CCDC32: variants seen among roughly 807,000 people sequenced by gnomAD.
The protein encoded by CCDC32 is coiled-coil domain-containing protein 32.
A neutral mutation model predicts 20.1 loss-of-function variants in CCDC32; 9 were observed. That is an observed-to-expected ratio of 0.45 (90% CI 0.27 to 0.78). The LOEUF (loss-of-function observed/expected upper bound fraction) is 0.78. Among genes scored for constraint, CCDC32 ranks in the 30% least tolerant of loss-of-function variants. The pLI, the probability that CCDC32 is intolerant of heterozygous loss-of-function variation, is 0.16. For missense variants in CCDC32, 204 were observed against 215.5 expected (o/e 0.95, Z 0.33); for synonymous variants, 63 against 79.0 (o/e 0.80, Z 1.07).
intron 2 of CCDC32, among the ~76,000 whole-genome samples, chr15:40,559,287 A>G (rs1477614071): frequency 6.6e-6 from 1 of 152,066 alleles, no homozygotes; most frequent in African/African-American, 2.4e-5. Flanking sequence ...CAGTCTCACT[A>G]TGTTGCCCAG....
intron 3 of CCDC32, among the ~76,000 whole-genome samples, chr15:40,547,366 C>T (rs554224603): frequency 4.4e-4 from 67 of 152,118 alleles, no homozygotes; most frequent in African/African-American, 1.3e-3. Context: ...TACCCTGGCC[C>T]GGCTTCAGTC....
downstream of CCDC32, among the ~76,000 whole-genome samples, chr15:40,532,771 G>T (rs1386099987): frequency 2.1e-5 from 3 of 140,848 alleles, no homozygotes; most frequent in Non-Finnish European, 4.5e-5. Flanking sequence ...ACCCAGGCTG[G>T]AATGCAGTGG....
chr15:40,545,926 TTCTC>T (rs1190708228), intron 3 of CCDC32, among the ~76,000 whole-genome samples: 1 of 152,126 alleles, frequency 6.6e-6, no homozygotes, highest in Non-Finnish European at 1.5e-5. Flanking sequence ...TTCTGCCTCA[TTCTC>T]TCTCTCTTCA....
At chr15:40,551,121 G>A (rs1433974658), downstream of CCDC32, among the ~76,000 whole-genome samples, 4 of 152,068 alleles carry the variant, frequency 2.6e-5, no homozygotes, top group East Asian at 1.9e-4. Flanking sequence ...GGTGGCTGAC[G>A]CCTGTAATCC....
downstream of CCDC32, chr15:40,534,658 T>C: frequency 2.1e-6 from 1 of 478,386 alleles, no homozygotes; most frequent in South Asian, 2.5e-5. Context: ...AGCCAAACCA[T>C]ATCACCAACT....
chr15:40,532,135 C>G (rs1252442330), downstream of CCDC32: 5 of 536,586 alleles, frequency 9.3e-6, no homozygotes, highest in East Asian at 1.5e-4. Flanking sequence ...TCACTTTTTT[C>G]TTCTCTAGTT....
At chr15:40,535,444 T>C, downstream of CCDC32, 1 of 992,980 alleles carries the variant, frequency 1.0e-6, no homozygotes, top group Non-Finnish European at 1.2e-6. Context: ...TTCTCTCATT[T>C]GATCTAGGGT....
downstream of CCDC32, among the ~76,000 whole-genome samples, chr15:40,533,042 G>T (rs571066915): frequency 4.6e-5 from 7 of 152,032 alleles, no homozygotes; most frequent in Non-Finnish European, 7.4e-5. Context: ...CTATTCTCCT[G>T]TTGGTGGACA....
At chr15:40,563,968 T>C (rs147327004) in intron 1 of CCDC32, among the ~76,000 whole-genome samples, 22,115 of 151,948 alleles carry the variant, frequency 0.15, 2,382 homozygotes, top group East Asian at 0.51. Context: ...CTACAGGCAC[T>C]CGCCACCACG....
chr15:40,539,221 G>GCCCGC, downstream of CCDC32: 1 of 1,531,950 alleles, frequency 6.5e-7, no homozygotes, highest in Non-Finnish European at 8.7e-7. Context: ...TCCCTGCCTG[G>GCCCGC]CCCGCCCTGG....
intron 2 of CCDC32, among the ~76,000 whole-genome samples, chr15:40,558,898 G>A (rs1347966331): frequency 6.6e-6 from 1 of 151,786 alleles, no homozygotes; most frequent in Non-Finnish European, 1.5e-5. Context: ...CCGCCTCCTG[G>A]GTTCAAGCGA....
chr15:40,534,888 G>C (rs1445802122), downstream of CCDC32: 2 of 702,498 alleles, frequency 2.8e-6, no homozygotes, highest in Non-Finnish European at 5.2e-6. Context: ...TCAAAGTGAG[G>C]AAGTGATGGG....
chr15:40,529,611 C>G (rs1888815513), intron 3 of CCDC32: 1 of 150,492 alleles, frequency 6.6e-6, no homozygotes, highest in South Asian at 2.1e-4. Flanking sequence ...TTGGAACATA[C>G]AGAGATTAGC....
chr15:40,534,091 CT>C (rs1453284045), downstream of CCDC32, among the ~76,000 whole-genome samples: 7 of 152,234 alleles, frequency 4.6e-5, no homozygotes, highest in African/African-American at 1.7e-4. Flanking sequence ...GGTAATCCCA[CT>C]CCTGGGAATT....
chr15:40,524,628 A>G (rs1400673526), downstream of CCDC32, among the ~76,000 whole-genome samples: 3 of 152,014 alleles, frequency 2.0e-5, no homozygotes, highest in African/African-American at 7.3e-5. Context: ...ATTGGCTGCA[A>G]AGAGGCATGA....
At chr15:40,560,557 A>G (rs1469825074) in intron 2 of CCDC32, among the ~76,000 whole-genome samples, 1 of 152,240 alleles carries the variant, frequency 6.6e-6, no homozygotes, top group Non-Finnish European at 1.5e-5. Flanking sequence ...GGCAAATGAC[A>G]TGAATAGACA....
downstream of CCDC32, chr15:40,553,005 C>A (rs185447272): frequency 6.5e-5 from 39 of 599,340 alleles, no homozygotes; most frequent in African/African-American, 6.5e-4. Flanking sequence ...AAGTGGCCAG[C>A]TCCCATGCCT....
downstream of CCDC32, among the ~76,000 whole-genome samples, chr15:40,525,122 C>T (rs146582100): frequency 1.0e-3 from 154 of 151,746 alleles, 1 homozygote; most frequent in Non-Finnish European, 1.3e-3. Context: ...CCTCTGCCAC[C>T]CGGGTTCAAG....
At chr15:40,563,755 C>G (rs1370350150) in intron 1 of CCDC32, among the ~76,000 whole-genome samples, 2 of 152,062 alleles carry the variant, frequency 1.3e-5, no homozygotes, top group African/African-American at 2.4e-5. Context: ...GCACTTTTCT[C>G]CAAAGATCTC....
Sources: allele counts gnomAD v4.1 joint callset (sites outside exome capture counted in the v4.1 genomes callset), GRCh38; gene constraint gnomAD v4.1.1; transcripts MANE v1.5; gene names NCBI Gene and HGNC (gene_info 2026-07-23, HGNC 2026-07-21).